Variants in PTPRD observed in about 807,000 individuals in gnomAD.
The protein encoded by PTPRD is protein tyrosine phosphatase receptor type D.
In PTPRD, 34 loss-of-function variants were observed where a neutral mutation model predicts 214.5. That is an observed-to-expected ratio of 0.16 (90% CI 0.12 to 0.21). PTPRD has a LOEUF of 0.21. PTPRD is among the 10% of genes least tolerant of loss of function. The pLI is 1.00. For missense variants in PTPRD, 2,545 were observed against 2,398.7 expected, an observed-to-expected ratio of 1.06 and a Z score of -1.27; for synonymous variants, 1,128 against 845.7, an observed-to-expected ratio of 1.33 and a Z score of -5.79.
chr9:8,958,038 G>T (rs764087258), intron 11 of PTPRD, among the ~76,000 whole-genome samples: 6 of 151,848 alleles, frequency 4.0e-5, no homozygotes, highest in Non-Finnish European at 7.4e-5. Context: ...TCCTTAAAAC[G>T]TAATGCTAAT....
Position 8,730,434 on chromosome 9 carries a change from T to C in PTPRD, c.64+3346A>G, listed in dbSNP as rs148711746. Among the ~76,000 whole-genome samples, 9 of 152,140 alleles carry C rather than the reference T, an allele frequency of 5.9e-5. No homozygotes were observed. The East Asian group carries it at 1.7e-3, about 29-fold the overall frequency. ...GGAATTAAATTATGAAGAGTGTGTCTCTACAATTTAAAAAAAATGTTCTAT... is the reference window on the plus strand; with the variant it reads ...GGAATTAAATTATGAAGAGTGTGTCCCTACAATTTAAAAAAAATGTTCTAT... On this transcript the variant is annotated intron_variant, in intron 12 of 45. Coordinates refer to ENST00000381196, the MANE Select transcript of PTPRD (RefSeq NM_002839.4).
At chr9:10,018,647 A>C (rs1279157168) in intron 4 of PTPRD, among the ~76,000 whole-genome samples, 2 of 130,114 alleles carry the variant, frequency 1.5e-5, no homozygotes, top group Non-Finnish European at 3.2e-5. Context: ...TCCCGGGTTC[A>C]TGCCATTCTC....
chr9:10,176,506 A>G (rs899241050), intron 3 of PTPRD, among the ~76,000 whole-genome samples: 1 of 152,002 alleles, frequency 6.6e-6, no homozygotes, highest in African/African-American at 2.4e-5. Flanking sequence ...AAGTAAACCA[A>G]AAGAGGATCC....
intron 10 of PTPRD, among the ~76,000 whole-genome samples, chr9:9,170,470 G>A (rs1357223436): frequency 2.6e-5 from 4 of 152,122 alleles, no homozygotes; most frequent in African/African-American, 9.7e-5. Context: ...ATCCTAAATG[G>A]TGTCAGTCAG....
chr9:9,747,650 A>T (rs2098471919), intron 6 of PTPRD, among the ~76,000 whole-genome samples: 1 of 150,508 alleles, frequency 6.6e-6, no homozygotes, highest in Admixed American at 6.7e-5. Context: ...AGGTTCACAC[A>T]ATTCTCCTGC....
intron 8 of PTPRD, among the ~76,000 whole-genome samples, chr9:9,450,986 C>CACACACAA (rs888328014): frequency 6.6e-6 from 1 of 150,620 alleles, no homozygotes; most frequent in Non-Finnish European, 1.5e-5. Flanking sequence ...CACACACACA[C>CACACACAA]AGACACACAG....
chr9:10,467,424 T>C (rs1268327736), intron 2 of PTPRD, among the ~76,000 whole-genome samples: 2 of 152,142 alleles, frequency 1.3e-5, no homozygotes, highest in East Asian at 3.8e-4. Flanking sequence ...CTAAGAATCT[T>C]CTCCACAAGT....
intron 5 of PTPRD, among the ~76,000 whole-genome samples, chr9:9,818,915 CAAAAAAAA>C (rs58616042): frequency 2.2e-5 from 2 of 89,342 alleles, no homozygotes; most frequent in African/African-American, 4.1e-5. Context: ...GACACTGTCT[CAAAAAAAA>C]AAAAAAAAAA....
chr9:8,430,425 C>A lies in PTPRD; in HGVS notation c.4086+6167G>T, dbSNP rs183109077. On this transcript the variant is annotated intron_variant, in intron 35 of 45. Coordinates refer to ENST00000381196, the MANE Select transcript of PTPRD (RefSeq NM_002839.4). ...AGCTGGGACTACAGGTGCATGCCAC[C>A]ACGACAGGCTAATTTTTTTTTTTTT... 3.6e-3 allele frequency among the ~76,000 whole-genome samples: 526 copies of A among 145,412 alleles called. 1 individual carries two copies. The highest frequency in any genetic ancestry group is 0.013 in the African/African-American group (504 of 39,248).
At chr9:10,496,726 A>G (rs1425720217) in intron 2 of PTPRD, among the ~76,000 whole-genome samples, 1 of 151,942 alleles carries the variant, frequency 6.6e-6, no homozygotes, top group Non-Finnish European at 1.5e-5. Context: ...GCATTTTTGC[A>G]TATGCTTATT....
At chr9:10,181,891 G>A (rs1274636933) in intron 3 of PTPRD, among the ~76,000 whole-genome samples, 1 of 142,594 alleles carries the variant, frequency 7.0e-6, no homozygotes, top group East Asian at 2.1e-4. Flanking sequence ...ACTATGTTTG[G>A]AACTCTGAGA....
chr9:9,234,567 T>C (rs899827304), intron 9 of PTPRD, among the ~76,000 whole-genome samples: 1 of 152,158 alleles, frequency 6.6e-6, no homozygotes, highest in Admixed American at 6.5e-5. Flanking sequence ...CGGCTGCAAA[T>C]TTTCCAAACT....
At chr9:10,204,641 CA>C (rs2099457891) in intron 3 of PTPRD, among the ~76,000 whole-genome samples, 1 of 151,938 alleles carries the variant, frequency 6.6e-6, no homozygotes, top group South Asian at 2.1e-4. Context: ...ATGACAAAGG[CA>C]GTATTGATGT....
rs71332760 is a variant in PTPRD, at chr9:10,564,171, CTTTTTTTTT to C, written c.-600+48218_-600+48226del. ...GTGTGCACCACCACACTAGGCTATT[CTTTTTTTTT>C]TTTTTTTTTTTTTTTGAGACATAGG... On this transcript the variant is annotated intron_variant, in intron 2 of 45. Transcript: ENST00000381196. 6.1e-3 allele frequency among the ~76,000 whole-genome samples: 179 copies of C among 29,412 alleles called. 11 individuals carry two copies. Among genetic ancestry groups the C allele is most frequent in the African/African-American group, 0.027 (170 of 6,262 alleles). 19.3% of individuals were successfully genotyped at this position (29,412 alleles called of 152,430 possible). A position where few individuals can be genotyped will look rare whatever the true frequency, so the allele number is the denominator to read the frequency against.
At chr9:9,343,450 T>C (rs1418764324) in intron 9 of PTPRD, among the ~76,000 whole-genome samples, 1 of 152,212 alleles carries the variant, frequency 6.6e-6, no homozygotes, top group Non-Finnish European at 1.5e-5. Flanking sequence ...ACTGTGGTTT[T>C]GATTTGCATT....
chr9:9,950,637 T>C (rs1445913103), intron 4 of PTPRD, among the ~76,000 whole-genome samples: 4 of 70,380 alleles, frequency 5.7e-5, no homozygotes, highest in South Asian at 1.1e-3. Context: ...GGCAGGAGAA[T>C]GGCGTGAACC....
intron 12 of PTPRD, among the ~76,000 whole-genome samples, chr9:8,701,758 T>C (rs1273476081): frequency 6.6e-6 from 1 of 152,200 alleles, no homozygotes; most frequent in Non-Finnish European, 1.5e-5. Context: ...ATTATTTTAA[T>C]CTCCCTGAAT....
chr9:10,510,777 C>G (rs749736464), intron 2 of PTPRD, among the ~76,000 whole-genome samples: 24 of 151,774 alleles, frequency 1.6e-4, no homozygotes, highest in Non-Finnish European at 2.9e-4. Flanking sequence ...CTATAGTTGC[C>G]CTATTGTGCT....
intron 7 of PTPRD, among the ~76,000 whole-genome samples, chr9:9,669,477 A>C (rs1031324453): frequency 3.3e-5 from 5 of 152,214 alleles, no homozygotes; most frequent in Non-Finnish European, 5.9e-5. Flanking sequence ...TGAGTGCTTT[A>C]GAAGGAATAA....
Sources: allele counts gnomAD v4.1 joint callset (sites outside exome capture counted in the v4.1 genomes callset), GRCh38; gene constraint gnomAD v4.1.1; transcripts MANE v1.5; gene names NCBI Gene and HGNC (gene_info 2026-07-23, HGNC 2026-07-21).